The following PGM5 variants were observed in gnomAD, a reference collection of about 807,000 sequenced individuals.
The protein encoded by PGM5 is phosphoglucomutase-like protein 5.
Under a neutral mutation model 59.2 loss-of-function variants are expected in PGM5, and 23 were observed. The ratio of observed to expected loss-of-function variants is 0.39; its 90% CI spans 0.28 to 0.55. The LOEUF (loss-of-function observed/expected upper bound fraction) is 0.55. Ranked by LOEUF, PGM5 falls within the 20% of genes least tolerant of loss-of-function variation. PGM5 has a pLI of 0.66. For missense variants in PGM5, 574 were observed against 748.3 expected, an observed-to-expected ratio of 0.77 and a Z score of 2.72; for synonymous variants, 214 against 286.0, an observed-to-expected ratio of 0.75 and a Z score of 2.54.
chr9:68,512,999 C>G (rs1446093597), intron 10 of PGM5, among the ~76,000 whole-genome samples: 1 of 152,206 alleles, frequency 6.6e-6, no homozygotes, highest in Non-Finnish European at 1.5e-5. Context: ...GCACCAAAAC[C>G]AGGTGGTGGC....
Position 68,406,928 on chromosome 9 carries a change from G to A in PGM5, c.1043+14455G>A, listed in dbSNP as rs570010828. ...CCCCGTCTTCCACATGTGGATACTAGTGAGGCAGGGGTGCTTTCTTGCTGT... is the reference window on the plus strand; with the variant it reads ...CCCCGTCTTCCACATGTGGATACTAATGAGGCAGGGGTGCTTTCTTGCTGT... On this transcript the variant is annotated intron_variant, in intron 6 of 10. Transcript: ENST00000396396. Among the ~76,000 whole-genome samples the A allele has an allele frequency of 3.0e-4, 46 of 151,486 alleles. 1 individual carries two copies. Among genetic ancestry groups the A allele is most frequent in the African/African-American group, 1.1e-3 (46 of 41,296 alleles).
chr9:68,408,760 A>G (rs1345797031), intron 6 of PGM5, among the ~76,000 whole-genome samples: 1 of 152,164 alleles, frequency 6.6e-6, no homozygotes, highest in Non-Finnish European at 1.5e-5. Context: ...TATAAGGTGT[A>G]AGGAAGGGAT....
intron 10 of PGM5, among the ~76,000 whole-genome samples, chr9:68,520,645 A>G (rs1381179801): frequency 6.6e-6 from 1 of 152,266 alleles, no homozygotes; most frequent in East Asian, 1.9e-4. Context: ...AATGAAAACA[A>G]AATTGACACA....
rs1834693206 is a variant in PGM5 at position 68,367,102 on chromosome 9, T to C, written c.261+9714T>C. On this transcript the variant is annotated intron_variant, in intron 1 of 10. Coordinates refer to ENST00000396396, the MANE Select transcript of PGM5 (RefSeq NM_021965.4). ...ACATTTGTATGCGTACTCACACTCA[T>C]GCACACACAAACACACACATGCACA... 2.0e-5 allele frequency among the ~76,000 whole-genome samples: 3 copies of C among 152,186 alleles called. No individual in the cohort carries two copies. The South Asian group carries it at 6.2e-4, about 32-fold the overall frequency.
chr9:68,443,433 T>C (rs1211577138), intron 6 of PGM5, among the ~76,000 whole-genome samples: 1 of 112,184 alleles, frequency 8.9e-6, no homozygotes, highest in African/African-American at 3.4e-5. Flanking sequence ...ATTGTTGTGC[T>C]AGTTCCATAG....
chr9:68,528,827 C>A (rs937877483), intron 10 of PGM5, among the ~76,000 whole-genome samples: 3 of 152,278 alleles, frequency 2.0e-5, no homozygotes, highest in Admixed American at 2.0e-4. Flanking sequence ...ATTAGCAATA[C>A]CATATCCATG....
At chr9:68,393,081 G>T (rs1175335659) in intron 6 of PGM5, among the ~76,000 whole-genome samples, 1 of 151,840 alleles carries the variant, frequency 6.6e-6, no homozygotes, top group Non-Finnish European at 1.5e-5. Flanking sequence ...CATTCTTCTT[G>T]CTCTATCCAT....
intron 9 of PGM5, among the ~76,000 whole-genome samples, chr9:68,491,062 C>T (rs950555364): frequency 3.3e-5 from 5 of 152,188 alleles, no homozygotes; most frequent in Non-Finnish European, 5.9e-5. Context: ...TCATTTACAA[C>T]TTCATCTATT....
chr9:68,496,956 C>T (rs1444564002), intron 9 of PGM5: 38 of 151,994 alleles, frequency 2.5e-4, no homozygotes, highest in Admixed American at 2.5e-3. Flanking sequence ...TAGTTCTGAG[C>T]AGAGTCACGT....
Position 68,427,437 on chromosome 9 carries a change from C to G in PGM5, c.1043+34964C>G, listed in dbSNP as rs78431709. On this transcript the variant is annotated intron_variant, in intron 6 of 10. Transcript: ENST00000396396. ...GGATGTGAGAACAGAGTTCCTTGAC[C>G]CAGCAGGGTTAGGGAGGGTTTCCAA... Among the ~76,000 whole-genome samples the G allele has an allele frequency of 2.6e-5, 4 of 152,078 alleles. No homozygotes were observed. The East Asian group carries it at 7.7e-4, about 29-fold the overall frequency.
chr9:68,529,452 G>A (rs1825045626), intron 10 of PGM5, 115 bp from the exon 11 acceptor site: 1 of 743,196 alleles, frequency 1.3e-6, no homozygotes, highest in African/African-American at 1.8e-5. Context: ...CATGAAGACT[G>A]CCTGTAAACA....
At chr9:68,511,938 A>G (rs1554689397) in intron 10 of PGM5, among the ~76,000 whole-genome samples, 1 of 152,152 alleles carries the variant, frequency 6.6e-6, no homozygotes. Flanking sequence ...CTAAAAACCT[A>G]GGTCTTCTCT....
intron 4 of PGM5, among the ~76,000 whole-genome samples, chr9:68,389,154 A>G (rs1822302507): frequency 6.6e-6 from 1 of 151,928 alleles, no homozygotes; most frequent in Non-Finnish European, 1.5e-5. Flanking sequence ...AATTTCCCAA[A>G]ACTTTTGTTT....
intron 2 of PGM5, among the ~76,000 whole-genome samples, chr9:68,381,537 A>G (rs1822071129): frequency 6.6e-6 from 1 of 151,806 alleles, no homozygotes; most frequent in Non-Finnish European, 1.5e-5. Context: ...TCAGACAAGA[A>G]AAATAAATAA....
chr9:68,480,169 C>T (rs1257672167), intron 8 of PGM5, among the ~76,000 whole-genome samples: 4 of 152,230 alleles, frequency 2.6e-5, no homozygotes, highest in Non-Finnish European at 4.4e-5. Context: ...ACTATCATGG[C>T]TGTGAGAGCC....
chr9:68,394,825 T>C (rs1215723308), intron 6 of PGM5, among the ~76,000 whole-genome samples: 2 of 152,128 alleles, frequency 1.3e-5, no homozygotes, highest in African/African-American at 4.8e-5. Context: ...TCTTGCTATG[T>C]TGCCTAGGCT....
At chr9:68,409,079 G>A (rs1822874748) in intron 6 of PGM5, among the ~76,000 whole-genome samples, 1 of 152,040 alleles carries the variant, frequency 6.6e-6, no homozygotes, top group Non-Finnish European at 1.5e-5. Flanking sequence ...GGTTCCATAT[G>A]AACTTTAAAG....
rs746351081 is a variant in PGM5 at position 68,451,390 on chromosome 9, C to T, written c.1044-13703C>T. 1.1e-4 allele frequency among the ~76,000 whole-genome samples: 17 copies of T among 152,128 alleles called. 1 individual carries two copies. Among genetic ancestry groups the T allele is most frequent in the South Asian group, 2.1e-4 (1 of 4,824 alleles). On this transcript the variant is annotated intron_variant, in intron 6 of 10. Transcript: ENST00000396396. ...TCTTTTGAAAGGTTTCCAGAGTGTG[C>T]GTGAGCAATATCATTGCCAATAGTT...
chr9:68,463,095 A>G (rs1447552255), intron 6 of PGM5, among the ~76,000 whole-genome samples: 11 of 152,072 alleles, frequency 7.2e-5, no homozygotes, highest in Non-Finnish European at 1.0e-4. Flanking sequence ...GAGGCAGCCC[A>G]CAGTTTTTCA....
Sources: gnomAD v4.1 joint callset for allele counts (sites outside exome capture counted in the v4.1 genomes callset) on GRCh38, gnomAD v4.1.1 for gene constraint, MANE v1.5 for transcripts, NCBI Gene and HGNC (gene_info 2026-07-23, HGNC 2026-07-21) for gene names.